The following ALPL variants were observed in gnomAD, a reference collection of about 807,000 sequenced individuals.
The protein encoded by ALPL is alkaline phosphatase, biomineralization associated.
A neutral mutation model predicts 51.3 loss-of-function variants in ALPL; 42 were observed. The observed-to-expected ratio is 0.82, with a 90% confidence interval of 0.64 to 1.06. ALPL has a LOEUF of 1.06. ALPL is among the 50% of genes least tolerant of loss of function. ALPL has a pLI of 0.00. For synonymous variants in ALPL, 279 were observed against 296.4 expected (o/e 0.94, Z 0.60); for missense variants, 589 against 709.4 (o/e 0.83, Z 1.93).
chr1:21,576,580 C>G lies in ALPL; in HGVS notation c.1248C>G (p.Gly416=), dbSNP rs1483224095. The G allele has an allele frequency of 6.2e-7, 1 of 1,613,958 alleles. No individual in the cohort carries two copies. Among genetic ancestry groups the G allele is most frequent in the South Asian group, 1.1e-5 (1 of 91,082 alleles). ...DKKPFTAILY[G]NGPGYKVVGG... ...AGCCCTTCACTGCCATCCTGTATGG[C>G]AATGGGCCTGGCTACAAGGTGGTGG... Residue 416 remains glycine (G), a synonymous_variant, in exon 11 of 12, where the codon GGC becomes GGG. Coordinates refer to ENST00000374840, the MANE Select transcript of ALPL (RefSeq NM_000478.6).
At chr1:21,571,278 T>C (rs552868117) in intron 8 of ALPL, among the ~76,000 whole-genome samples, 8 of 152,316 alleles carry the variant, frequency 5.3e-5, no homozygotes, top group Non-Finnish European at 5.9e-5. Flanking sequence ...AAAATGGAGA[T>C]AGTGATGGGG....
Position 21,577,777 on chromosome 1 carries a change from A to C in ALPL, c.*129A>C. 1 of 1,246,086 alleles carries C rather than the reference A, an allele frequency of 8.0e-7. No individual in the cohort carries two copies. The highest frequency in any genetic ancestry group is 1.1e-6 in the Non-Finnish European group (1 of 914,746). The allele number at this position is 1,246,086 out of a possible 1,614,324, so 77.2% of individuals were successfully genotyped here. On this transcript the variant is annotated 3_prime_UTR_variant, in exon 12 of 12. Coordinates refer to ENST00000374840, the MANE Select transcript of ALPL (RefSeq NM_000478.6). ...CAACTGCAAGAAAGGGGACCCAAGA[A>C]ACCAAAGTCTGCCGCCCACCTCGCT...
chr1:21,554,786 G>T, intron 2 of ALPL, among the ~76,000 whole-genome samples: 1 of 105,038 alleles, frequency 9.5e-6, no homozygotes. Context: ...CACCGCGCCT[G>T]GCCTGTCTGT....
intron 7 of ALPL, among the ~76,000 whole-genome samples, chr1:21,570,044 C>T (rs1644623699): frequency 6.6e-6 from 1 of 152,198 alleles, no homozygotes; most frequent in African/African-American, 2.4e-5. Flanking sequence ...AACATCACCT[C>T]CACCAGGAAG....
chr1:21,509,427 C>G lies in ALPL; in HGVS notation c.-195C>G, dbSNP rs1643635223. On this transcript the variant is annotated 5_prime_UTR_variant, in exon 1 of 12. Transcript: ENST00000374840. The surrounding 1 kb of genome is among the most constrained non-coding windows in gnomAD (Gnocchi z 6.0). ...GCGGCGGGGGTGGTGGCCCGGGCCG[C>G]GTTGCGCTCCCGCCACTCCGCGCCC... The G allele has an allele frequency of 6.6e-6, 1 of 151,522 alleles. No homozygotes were observed. The highest frequency in any genetic ancestry group is 1.5e-5 in the Non-Finnish European group (1 of 67,814). 9.4% of individuals were successfully genotyped at this position (151,522 alleles called of 1,614,324 possible).
At chr1:21,513,407 G>A (rs1170374602) in intron 1 of ALPL, among the ~76,000 whole-genome samples, 2 of 152,216 alleles carry the variant, frequency 1.3e-5, no homozygotes, top group Non-Finnish European at 2.9e-5. Flanking sequence ...AAGGGAGGAT[G>A]CAGATGATGT....
chr1:21,568,332 C>T (rs1374277971), intron 7 of ALPL, 85 bp downstream of exon 7: 2 of 1,586,298 alleles, frequency 1.3e-6, no homozygotes, highest in African/African-American at 2.7e-5. Context: ...GTTCTGTTGT[C>T]CTCTGTAGAA....
rs974918243 is a variant in ALPL at position 21,570,489 on chromosome 1, C to T, written c.862+115C>T. 12 of 1,098,920 alleles carry T rather than the reference C, an allele frequency of 1.1e-5. No homozygotes were observed. In the African/African-American group the frequency reaches 1.5e-4, roughly 14 times the overall value. The allele number at this position is 1,098,920 out of a possible 1,614,324, so 68.1% of individuals were successfully genotyped here. On this transcript the variant is annotated intron_variant, in intron 8 of 11. Coordinates refer to ENST00000374840, the MANE Select transcript of ALPL (RefSeq NM_000478.6). ...CCTGACGCCCACTTAGGGGCCTCTG[C>T]TCTTGGGCTTCAGGACCTGGGAGAG...
chr1:21,531,733 C>G (rs1035843144), intron 1 of ALPL, among the ~76,000 whole-genome samples: 1 of 152,160 alleles, frequency 6.6e-6, no homozygotes, highest in Non-Finnish European at 1.5e-5. Context: ...AACCCCACAC[C>G]CAGCTCTGAC....
intron 1 of ALPL, among the ~76,000 whole-genome samples, chr1:21,531,178 C>T (rs1226007549): frequency 2.0e-5 from 3 of 151,998 alleles, no homozygotes; most frequent in Admixed American, 6.6e-5. Context: ...AGGCTGGTCT[C>T]GAACTCCTGG....
Position 21,561,169 on chromosome 1 carries a change from C to T in ALPL, c.254C>T (p.Thr85Ile). Residue 85 changes from threonine to isoleucine, a missense_variant, in exon 4 of 12, where the codon ACC (threonine) becomes ATC (isoleucine). By Grantham distance (89) the Thr-to-Ile change is moderately conservative (BLOSUM62 -1). Transcript: ENST00000374840. ...CTCCACCACAACCCTGGGGAGGAGA[C>T]CAGGCTGGAGATGGACAAGTTCCCC... ...GQLHHNPGEE[T>I]RLEMDKFPFV... The T allele has an allele frequency of 6.2e-7, 1 of 1,613,570 alleles. No individual in the cohort carries two copies. The highest frequency in any genetic ancestry group is 8.5e-7 in the Non-Finnish European group (1 of 1,179,850).
intron 2 of ALPL, among the ~76,000 whole-genome samples, chr1:21,556,055 G>A (rs111542083): frequency 0.033 from 5,050 of 152,296 alleles, 260 homozygotes; most frequent in African/African-American, 0.11. Context: ...TTACAGGCAT[G>A]AGCCACCGCA....
At chr1:21,542,839 C>T (rs1224690215) in intron 1 of ALPL, among the ~76,000 whole-genome samples, 2 of 151,866 alleles carry the variant, frequency 1.3e-5, no homozygotes, top group Non-Finnish European at 2.9e-5. Flanking sequence ...CTCCATCCCC[C>T]CAATCCCCCC....
chr1:21,563,661 C>T (rs1367296918), intron 5 of ALPL, among the ~76,000 whole-genome samples: 1 of 152,192 alleles, frequency 6.6e-6, no homozygotes, highest in Non-Finnish European at 1.5e-5. Flanking sequence ...CCAGCCTGTG[C>T]CCCCAGAAGC....
At chr1:21,567,962 A>G in intron 6 of ALPL, 142 bp from the exon 7 acceptor site, 1 of 1,093,900 alleles carries the variant, frequency 9.1e-7, no homozygotes, top group East Asian at 2.4e-5. Context: ...AGGCCCAGAG[A>G]TGACTGAGGC....
intron 1 of ALPL, among the ~76,000 whole-genome samples, chr1:21,536,544 T>G (rs566270696): frequency 8.7e-4 from 132 of 152,222 alleles, no homozygotes; most frequent in African/African-American, 2.9e-3. Flanking sequence ...AGACTCAAGG[T>G]CTCTACCTTT....
At position 21,561,080 on chromosome 1, in the gene ALPL, C is replaced by G; in HGVS notation, c.182-17C>G. On this transcript the variant is annotated splice_polypyrimidine_tract_variant and intron_variant, in intron 3 of 11. Transcript: ENST00000374840. ...GGCAGGAGCACGAGAGACTGAGGCC[C>G]CCACTCCCCACTGCAGGGATGGGTG... is the stretch of plus-strand genomic sequence containing the variant. 1 of 1,593,010 alleles carries G rather than the reference C, an allele frequency of 6.3e-7. No individual in the cohort carries two copies. The highest frequency in any genetic ancestry group is 8.6e-7 in the Non-Finnish European group (1 of 1,169,112).
intron 8 of ALPL, among the ~76,000 whole-genome samples, chr1:21,571,323 A>G (rs1037687465): frequency 1.2e-4 from 19 of 152,198 alleles, no homozygotes; most frequent in African/African-American, 4.3e-4. Flanking sequence ...TGAGCATGAC[A>G]TGAACTTGTG....
chr1:21,559,302 G>C (rs1644454006), intron 2 of ALPL, among the ~76,000 whole-genome samples: 1 of 152,204 alleles, frequency 6.6e-6, no homozygotes, highest in Non-Finnish European at 1.5e-5. Context: ...AGGGACTCCA[G>C]CTCCCATAGC....
Sources: gnomAD v4.1 joint callset for allele counts (sites outside exome capture counted in the v4.1 genomes callset) on GRCh38, gnomAD v4.1.1 for gene constraint, Gnocchi (gnomAD v3.1) non-coding constraint, MANE v1.5 for transcripts, NCBI Gene and HGNC (gene_info 2026-07-23, HGNC 2026-07-21) for gene names.